Variants in USP54 observed in about 807,000 individuals in gnomAD.
USP54 encodes ubiquitin carboxyl-terminal hydrolase 54.
A neutral mutation model predicts 170.5 loss-of-function variants in USP54; 87 were observed. The ratio of observed to expected loss-of-function variants is 0.51; its 90% CI spans 0.43 to 0.61. USP54 has a LOEUF of 0.61. USP54 is among the 20% of genes least tolerant of loss of function. USP54 has a pLI of 0.00. For missense variants in USP54, 1,786 were observed against 2,047.8 expected (o/e 0.87, Z 2.47); for synonymous variants, 655 against 742.8 (o/e 0.88, Z 1.92).
intron 12 of USP54, among the ~76,000 whole-genome samples, chr10:73,531,713 C>T (rs552120139): frequency 3.3e-5 from 5 of 152,164 alleles, no homozygotes; most frequent in South Asian, 2.1e-4. Flanking sequence ...CCCATCTTCA[C>T]GAAACTTGGC....
intron 1 of USP54, among the ~76,000 whole-genome samples, chr10:73,601,942 ACT>A (rs939058169): frequency 1.3e-5 from 2 of 152,170 alleles, no homozygotes; most frequent in Admixed American, 6.5e-5. Context: ...GAAACACTGC[ACT>A]GTTTGTTTCA....
intron 19 of USP54, chr10:73,519,305 G>T (rs1475968001): frequency 5.5e-5 from 9 of 164,996 alleles, no homozygotes; most frequent in Non-Finnish European, 1.2e-4. Flanking sequence ...ATGACTACTG[G>T]AACTTCTTTC....
At chr10:73,526,877 T>A in intron 15 of USP54, 97 bp from the exon 16 acceptor site, 1 of 1,346,238 alleles carries the variant, frequency 7.4e-7, no homozygotes, top group Non-Finnish European at 1.0e-6. Context: ...AAAATCAAAC[T>A]ACACAATTAG....
chr10:73,509,105 C>CAA lies in USP54; in HGVS notation c.4052-3681_4052-3680dup, dbSNP rs34441562. On this transcript the variant is annotated intron_variant, in intron 20 of 23. Coordinates refer to ENST00000687698, the MANE Select transcript of USP54 (RefSeq NM_001391956.1). ...GAAAAAACATAGGGTATCATACTGG[C>CAA]AAAAAAAAAAAAAAAAAAAAAGACT... 3.4e-3 allele frequency among the ~76,000 whole-genome samples: 162 copies of CAA among 47,200 alleles called. 8 individuals are homozygous for CAA. The East Asian group carries it at 0.052, about 15-fold the overall frequency. 31.0% of individuals were successfully genotyped at this position (47,200 alleles called of 152,430 possible).
At chr10:73,545,052 T>C (rs1193764382) in intron 5 of USP54, among the ~76,000 whole-genome samples, 3 of 152,164 alleles carry the variant, frequency 2.0e-5, no homozygotes, top group South Asian at 2.1e-4. Context: ...CTTTCGAAGG[T>C]TGATGTATAG....
intron 19 of USP54, 122 bp downstream of exon 19, chr10:73,519,675 A>G (rs1370996789): frequency 2.1e-6 from 3 of 1,443,776 alleles, no homozygotes. Flanking sequence ...AAAGAAGAAA[A>G]TCTTTTCAGA....
intron 1 of USP54, among the ~76,000 whole-genome samples, chr10:73,584,377 A>C (rs1025313619): frequency 1.3e-5 from 2 of 151,654 alleles, no homozygotes; most frequent in Non-Finnish European, 2.9e-5. Flanking sequence ...ATGGAGTGAG[A>C]CTTTGTCTCA....
chr10:73,624,858 C>G (rs754303168), intron 1 of USP54, among the ~76,000 whole-genome samples: 1 of 152,094 alleles, frequency 6.6e-6, no homozygotes, highest in Non-Finnish European at 1.5e-5. Flanking sequence ...AAAATAAAAT[C>G]TCATTCATTT....
chr10:73,517,701 G>C lies in USP54; in HGVS notation c.2725C>G (p.Leu909Val), dbSNP rs897127634. 3 of 1,614,172 alleles carry C rather than the reference G, an allele frequency of 1.9e-6. No individual in the cohort carries two copies. The highest frequency in any genetic ancestry group is 8.5e-7 in the Non-Finnish European group (1 of 1,180,042). ...LQVLLSQEAQ[L>V]ESGMDTEFGA... is the part of the protein sequence containing the mutation. Reference sequence around the variant, plus strand: ...AACTCTGTATCCATGCCGGATTCCAGTTGGGCCTCTTGGCTTAACAATACT... The same window carrying C: ...AACTCTGTATCCATGCCGGATTCCACTTGGGCCTCTTGGCTTAACAATACT... The change falls in exon 20 of 24, where the codon CTG (leucine) becomes GTG (valine). Residue 909 changes from leucine to valine, a missense_variant. By Grantham distance (32) the Leu-to-Val change is conservative (BLOSUM62 1). Coordinates refer to ENST00000687698, the MANE Select transcript of USP54 (RefSeq NM_001391956.1).
Position 73,541,661 on chromosome 10 carries a change from C to CT in USP54, c.649dup (p.Ser217LysfsTer56). On this transcript the variant is annotated frameshift_variant, in exon 8 of 24. Coordinates refer to ENST00000687698, the MANE Select transcript of USP54 (RefSeq NM_001391956.1). LOFTEE classifies it high-confidence loss of function. ...ACAGTTCCGCAGATCCCCCATGGTG[C>CT]TGGCATTCTGCAGCAGCTCACCAAA... is the stretch of plus-strand genomic sequence containing the variant. 1.2e-6 allele frequency: 2 copies of CT among 1,614,200 alleles called. No homozygotes were observed. Among genetic ancestry groups the CT allele is most frequent in the Non-Finnish European group, 1.7e-6 (2 of 1,180,028 alleles).
rs190878362 is a variant in USP54, at chr10:73,534,719, C to G, written c.1196G>C (p.Ser399Thr). Residue 399 changes from serine (S) to threonine (T), a missense_variant, in exon 12 of 24, where the codon AGC becomes ACC. By Grantham distance (58) the Ser-to-Thr change is moderately conservative (BLOSUM62 1). Transcript: ENST00000687698. ...ATGGTGGGAATGTTTGTAGGGATAG[C>G]TCTCCGTTGAGGAATCTGTTCGAGT... ...SDTRTDSSTESYPYKHSHHES... is the reference protein window; with the variant it reads ...SDTRTDSSTETYPYKHSHHES... 31 of 1,614,138 alleles carry G rather than the reference C, an allele frequency of 1.9e-5. No homozygotes were observed. The African/African-American group carries it at 3.6e-4, about 19-fold the overall frequency.
At chr10:73,546,570 T>C (rs929698226) in intron 4 of USP54, 2 of 152,188 alleles carry the variant, frequency 1.3e-5, no homozygotes, top group African/African-American at 2.4e-5. Flanking sequence ...CCTGGGCTCA[T>C]GCAGTCCTCT....
chr10:73,520,430 A>G, intron 18 of USP54, among the ~76,000 whole-genome samples: 1 of 152,186 alleles, frequency 6.6e-6, no homozygotes, highest in Non-Finnish European at 1.5e-5. Context: ...AGAAGCTGAT[A>G]CCAATTCTAA....
At chr10:73,622,606 G>A (rs1462453680) in intron 1 of USP54, among the ~76,000 whole-genome samples, 3 of 152,042 alleles carry the variant, frequency 2.0e-5, no homozygotes, top group Non-Finnish European at 4.4e-5. Flanking sequence ...TGACAGGCCT[G>A]AGCTACCGTG....
At chr10:73,504,304 T>G (rs2058699328) in intron 22 of USP54, 1 of 153,846 alleles carries the variant, frequency 6.5e-6, no homozygotes, top group Non-Finnish European at 1.4e-5. Flanking sequence ...GCCACTGATA[T>G]TATTTAAGTT....
chr10:73,590,706 A>G (rs534547860), intron 1 of USP54, among the ~76,000 whole-genome samples: 1 of 152,320 alleles, frequency 6.6e-6, no homozygotes, highest in Non-Finnish European at 1.5e-5. Context: ...TCCCAGAAGC[A>G]TCTGTTAACC....
chr10:73,575,812 C>G lies in USP54; in HGVS notation c.-32G>C. 2.2e-6 allele frequency: 2 copies of G among 920,458 alleles called. No individual in the cohort carries two copies. The highest frequency in any genetic ancestry group is 3.1e-6 in the Non-Finnish European group (2 of 637,906). 57.0% of individuals were successfully genotyped at this position (920,458 alleles called of 1,614,324 possible). ...GACTTTACCACCTTCCAAATATCATCTGTGTAGTCAAGGGACTCAGGTATC... is the reference window on the plus strand; with the variant it reads ...GACTTTACCACCTTCCAAATATCATGTGTGTAGTCAAGGGACTCAGGTATC... On this transcript the variant is annotated 5_prime_UTR_variant, in exon 2 of 24. Transcript: ENST00000687698.
intron 18 of USP54, chr10:73,520,197 A>T: frequency 1.5e-6 from 1 of 664,424 alleles, no homozygotes; most frequent in Non-Finnish European, 2.5e-6. Flanking sequence ...CATGGAGGCC[A>T]AACAGGTTAA....
At chr10:73,522,361 T>C (rs1423321870) in intron 17 of USP54, among the ~76,000 whole-genome samples, 2 of 152,256 alleles carry the variant, frequency 1.3e-5, no homozygotes, top group Non-Finnish European at 2.9e-5. Context: ...AGACAAGCTA[T>C]AGTTGATCAA....
Sources: gnomAD v4.1 joint callset for allele counts (sites outside exome capture counted in the v4.1 genomes callset) on GRCh38, gnomAD v4.1.1 for gene constraint, MANE v1.5 for transcripts, NCBI Gene and HGNC (gene_info 2026-07-23, HGNC 2026-07-21) for gene names.